Variants in PPP2R2B observed in about 807,000 individuals in gnomAD.
PPP2R2B encodes the protein protein phosphatase 2 regulatory subunit Bbeta.
PPP2R2B carries 5 observed loss-of-function variants against 46.0 expected under a neutral mutation model. The observed-to-expected ratio is 0.11, with a 90% CI of 0.06 to 0.23. The LOEUF (loss-of-function observed/expected upper bound fraction) is 0.23, where lower values mean the gene tolerates loss of function less well. PPP2R2B is among the 10% of genes least tolerant of loss of function. PPP2R2B has a pLI of 1.00. For synonymous variants in PPP2R2B, 215 were observed against 206.7 expected (o/e 1.04, Z -0.34); for missense variants, 367 against 575.0 (o/e 0.64, Z 3.70).
chr5:146,861,853 ATTGT>A (rs142051322), intron 2 of PPP2R2B, among the ~76,000 whole-genome samples: 19,906 of 144,702 alleles, frequency 0.14, 1,881 homozygotes, highest in East Asian at 0.39. Flanking sequence ...AAAATACAGC[ATTGT>A]TTTTTTTTTT....
chr5:146,872,332 A>G (rs1761662868), intron 2 of PPP2R2B, among the ~76,000 whole-genome samples: 1 of 152,180 alleles, frequency 6.6e-6, no homozygotes, highest in Non-Finnish European at 1.5e-5. Flanking sequence ...CTCACCTCGC[A>G]TTTCAGGTTT....
At chr5:146,604,182 T>A (rs1299391546) in intron 7 of PPP2R2B, among the ~76,000 whole-genome samples, 1 of 152,206 alleles carries the variant, frequency 6.6e-6, no homozygotes, top group Non-Finnish European at 1.5e-5. Context: ...ATAAGTGTGA[T>A]TTTACTGTGT....
chr5:147,017,912 ATGTCT>A (rs1755079622), intron 1 of PPP2R2B, among the ~76,000 whole-genome samples: 2 of 152,106 alleles, frequency 1.3e-5, no homozygotes, highest in Admixed American at 1.3e-4. Context: ...AGGTAAAGCA[ATGTCT>A]TTAAGCAGCA....
chr5:146,688,479 C>T (rs1778642367), intron 5 of PPP2R2B, among the ~76,000 whole-genome samples: 2 of 151,852 alleles, frequency 1.3e-5, no homozygotes, highest in South Asian at 2.1e-4. Flanking sequence ...TCCCAGTCCT[C>T]TGCTTGGCAG....
intron 1 of PPP2R2B, among the ~76,000 whole-genome samples, chr5:147,053,672 T>C (rs1756939830): frequency 6.6e-6 from 1 of 152,150 alleles, no homozygotes; most frequent in Admixed American, 6.6e-5. Context: ...AACCACTCAT[T>C]GCTTAAGGTA....
intron 2 of PPP2R2B, among the ~76,000 whole-genome samples, chr5:146,806,216 G>A (rs913930662): frequency 6.6e-6 from 1 of 152,162 alleles, no homozygotes; most frequent in Admixed American, 6.5e-5. Context: ...CCTAGAGTCA[G>A]TGATAGGGCT....
At position 146,582,491 on chromosome 5, in the gene PPP2R2B, G is replaced by A. The variant is rs956469863; in HGVS notation, c.*7456C>T. 4 of 152,248 alleles carry A rather than the reference G, an allele frequency of 2.6e-5. No individual in the cohort carries two copies. The highest frequency in any genetic ancestry group is 9.7e-5 in the African/African-American group (4 of 41,438). The allele number at this position is 152,248 out of a possible 1,614,324, so 9.4% of individuals were successfully genotyped here. On this transcript the variant is annotated 3_prime_UTR_variant, in exon 10 of 10. Transcript: ENST00000394411. ...CACTGCAATCTAAGCTTGATCACTT[G>A]CTTTTAACACATCTTGGCTCACTGG...
In PPP2R2B at chr5:147,016,361, G is replaced by T. The variant is rs954966091; in HGVS notation, c.79+39304C>A. On this transcript the variant is annotated intron_variant, in intron 1 of 8. Coordinates refer to the PPP2R2B transcript ENST00000336640. ...AAAAAAAAAAGATGATAGCAGTTTT[G>T]GGGGGGACAATCATCTTCTAACAAG... 2.0e-5 allele frequency among the ~76,000 whole-genome samples: 3 copies of T among 150,978 alleles called. 1 individual carries two copies. Among genetic ancestry groups the T allele is most frequent in the East Asian group, 4.2e-4 (2 of 4,758 alleles).
chr5:147,050,905 C>T (rs1756781186), intron 1 of PPP2R2B, among the ~76,000 whole-genome samples: 1 of 152,040 alleles, frequency 6.6e-6, no homozygotes, highest in South Asian at 2.1e-4. Context: ...GATATGTCCT[C>T]CTCTTGAAGG....
At chr5:147,075,594 T>C (rs1267852080) in intron 2 of PPP2R2B, among the ~76,000 whole-genome samples, 10 of 152,192 alleles carry the variant, frequency 6.6e-5, no homozygotes, top group Non-Finnish European at 1.5e-4. Context: ...CTATTAATTG[T>C]GTTCAAAATG....
At chr5:147,048,393 G>A (rs1358942470) in intron 1 of PPP2R2B, among the ~76,000 whole-genome samples, 1 of 152,106 alleles carries the variant, frequency 6.6e-6, no homozygotes, top group African/African-American at 2.4e-5. Flanking sequence ...AAATGAAAAT[G>A]GGGAAAATGA....
chr5:147,018,033 GCATGCGCGCGCA>G (rs1459695985), intron 1 of PPP2R2B, among the ~76,000 whole-genome samples: 2 of 19,746 alleles, frequency 1.0e-4, no homozygotes, highest in Admixed American at 7.8e-4. Context: ...ACACACACAT[GCATGCGCGCGCA>G]CACACACACA....
chr5:146,706,067 C>A (rs1458640548), intron 2 of PPP2R2B, among the ~76,000 whole-genome samples: 1 of 152,076 alleles, frequency 6.6e-6, no homozygotes, highest in East Asian at 1.9e-4. Context: ...AGGCAGTGAA[C>A]TCCCCCGCGG....
intron 5 of PPP2R2B, among the ~76,000 whole-genome samples, chr5:146,673,172 G>GA (rs1777483861): frequency 6.6e-6 from 1 of 152,184 alleles, no homozygotes; most frequent in Non-Finnish European, 1.5e-5. Flanking sequence ...TTATCAAACA[G>GA]AAATATAGAG....
intron 2 of PPP2R2B, among the ~76,000 whole-genome samples, chr5:146,729,511 C>A (rs1031285677): frequency 2.6e-5 from 4 of 152,208 alleles, no homozygotes; most frequent in Non-Finnish European, 5.9e-5. Context: ...TGTCTCCAGG[C>A]CATGTGAGAG....
At chr5:146,872,729 A>G (rs1761686633) in intron 2 of PPP2R2B, among the ~76,000 whole-genome samples, 1 of 152,094 alleles carries the variant, frequency 6.6e-6, no homozygotes, top group African/African-American at 2.4e-5. Context: ...TTATCCTACC[A>G]CATTGCTGAG....
chr5:146,691,067 A>G (rs1031206499), intron 5 of PPP2R2B, 61 bp downstream of exon 5: 1 of 1,468,960 alleles, frequency 6.8e-7, no homozygotes, highest in Admixed American at 1.8e-5. Context: ...CAACCAGCAC[A>G]TGGCCAACCT....
At chr5:146,757,657 G>A (rs1753919241) in intron 2 of PPP2R2B, among the ~76,000 whole-genome samples, 3 of 152,068 alleles carry the variant, frequency 2.0e-5, no homozygotes, top group Non-Finnish European at 2.9e-5. Flanking sequence ...TTTAATATAT[G>A]GATCTCTGAA....
intron 6 of PPP2R2B, among the ~76,000 whole-genome samples, chr5:146,641,685 C>G (rs1200374115): frequency 6.6e-6 from 1 of 152,010 alleles, no homozygotes; most frequent in African/African-American, 2.4e-5. Context: ...CATCTGTATC[C>G]TCTAGAAACC....
Sources: gnomAD v4.1 joint callset for allele counts (sites outside exome capture counted in the v4.1 genomes callset) on GRCh38, gnomAD v4.1.1 for gene constraint, MANE v1.5 for transcripts, NCBI Gene and HGNC (gene_info 2026-07-23, HGNC 2026-07-21) for gene names.